The following SEMA3E variants were observed in gnomAD, a reference collection of about 807,000 sequenced individuals.
SEMA3E encodes the protein semaphorin 3E.
A neutral mutation model predicts 93.6 loss-of-function variants in SEMA3E; 49 were observed. The ratio of observed to expected loss-of-function variants is 0.52; its 90% confidence interval spans 0.42 to 0.66. The LOEUF is 0.66. SEMA3E is among the 30% of genes least tolerant of loss of function. The pLI, the probability that SEMA3E is intolerant of heterozygous loss-of-function variation, is 0.00. For missense variants in SEMA3E, 906 were observed against 964.8 expected (o/e 0.94, Z 0.81); for synonymous variants, 363 against 330.7 (o/e 1.10, Z -1.06).
chr7:83,614,749 C>T (rs1166787773), intron 1 of SEMA3E, among the ~76,000 whole-genome samples: 1 of 152,050 alleles, frequency 6.6e-6, no homozygotes, highest in Non-Finnish European at 1.5e-5. Flanking sequence ...TGACAAATTA[C>T]ACTCTCAGTC....
At chr7:83,639,926 G>A (rs1450786694) in intron 1 of SEMA3E, among the ~76,000 whole-genome samples, 1 of 151,920 alleles carries the variant, frequency 6.6e-6, no homozygotes, top group Non-Finnish European at 1.5e-5. Context: ...TACTTGGAAA[G>A]GACCTGAAGT....
chr7:83,603,900 C>T (rs1038337768), intron 1 of SEMA3E, among the ~76,000 whole-genome samples: 2 of 152,012 alleles, frequency 1.3e-5, no homozygotes, highest in African/African-American at 2.4e-5. Context: ...CCCTTACATG[C>T]GTGAGTGTTT....
intron 1 of SEMA3E, among the ~76,000 whole-genome samples, chr7:83,600,887 T>C (rs2115981488): frequency 6.6e-6 from 1 of 152,254 alleles, no homozygotes; most frequent in East Asian, 1.9e-4. Context: ...TCCTCAAAGA[T>C]GTCTACACCC....
chr7:83,619,565 T>G (rs982905748), intron 1 of SEMA3E, among the ~76,000 whole-genome samples: 2 of 151,828 alleles, frequency 1.3e-5, no homozygotes, highest in African/African-American at 2.4e-5. Flanking sequence ...GAAGAAAATG[T>G]TGGTGGTGTT....
intron 1 of SEMA3E, among the ~76,000 whole-genome samples, chr7:83,528,165 A>C (rs549243892): frequency 1.3e-5 from 2 of 152,232 alleles, no homozygotes; most frequent in Non-Finnish European, 2.9e-5. Context: ...AATATAAATA[A>C]AATTTAAAGT....
intron 1 of SEMA3E, among the ~76,000 whole-genome samples, chr7:83,609,548 T>C (rs2115575966): frequency 1.3e-5 from 2 of 152,086 alleles, no homozygotes; most frequent in Middle Eastern, 3.4e-3. Context: ...ATATTGTACT[T>C]TGTGTAGCTA....
intron 4 of SEMA3E, among the ~76,000 whole-genome samples, chr7:83,438,206 T>C (rs767152712): frequency 6.6e-6 from 1 of 152,170 alleles, no homozygotes; most frequent in Non-Finnish European, 1.5e-5. Flanking sequence ...TCAAATTTAA[T>C]GTGATAGAAA....
chr7:83,577,619 C>T (rs904925947), intron 1 of SEMA3E, among the ~76,000 whole-genome samples: 3 of 152,018 alleles, frequency 2.0e-5, no homozygotes, highest in African/African-American at 7.2e-5. Context: ...CTCTAATATA[C>T]CAAACTGGAT....
intron 4 of SEMA3E, among the ~76,000 whole-genome samples, chr7:83,443,523 T>C (rs1334317342): frequency 2.6e-5 from 4 of 152,188 alleles, no homozygotes; most frequent in Admixed American, 2.0e-4. Flanking sequence ...TAGCCTATGA[T>C]TGATTCCAAA....
chr7:83,607,342 C>T (rs1405221860), intron 1 of SEMA3E, among the ~76,000 whole-genome samples: 1 of 152,134 alleles, frequency 6.6e-6, no homozygotes, highest in Admixed American at 6.6e-5. Flanking sequence ...AACTAAAATT[C>T]TTCTCCACTC....
At chr7:83,466,208 C>T (rs1297396642) in intron 4 of SEMA3E, among the ~76,000 whole-genome samples, 1 of 151,904 alleles carries the variant, frequency 6.6e-6, no homozygotes, top group East Asian at 1.9e-4. Flanking sequence ...CAATAGAGAA[C>T]ACAGTTTGAT....
chr7:83,447,917 A>C (rs1048384723), intron 4 of SEMA3E, among the ~76,000 whole-genome samples: 7 of 152,166 alleles, frequency 4.6e-5, no homozygotes, highest in Non-Finnish European at 1.0e-4. Context: ...CTCTTTTTCT[A>C]CTGAACTCAT....
Position 83,363,870 on chromosome 7 carries a change from T to TTTTTTTTTTTC in SEMA3E, c.*3715_*3716insGAAAAAAAAAA, listed in dbSNP as rs1794623351. ...GTCACAGGTCAATTCATTTTTTTTTTTTTTTTTTTTTTTTTTTTTTTTTTT... is the reference window on the plus strand; with the variant it reads ...GTCACAGGTCAATTCATTTTTTTTTTTTTTTTTTTTCTTTTTTTTTTTTTTTTTTTTTTTTT... On this transcript the variant is annotated 3_prime_UTR_variant, in exon 17 of 17. Transcript: ENST00000643230. 1 of 9,602 alleles carries TTTTTTTTTTTC rather than the reference T, an allele frequency of 1.0e-4. No individual in the cohort carries two copies. The highest frequency in any genetic ancestry group is 1.5e-4 in the African/African-American group (1 of 6,642). 0.6% of individuals were successfully genotyped at this position (9,602 alleles called of 1,614,324 possible).
chr7:83,568,113 C>T (rs1162839870), intron 1 of SEMA3E, among the ~76,000 whole-genome samples: 1 of 151,936 alleles, frequency 6.6e-6, no homozygotes, highest in Non-Finnish European at 1.5e-5. Flanking sequence ...TATATACTAA[C>T]AAACTGGAAA....
At chr7:83,634,937 G>A (rs1793853599) in intron 1 of SEMA3E, among the ~76,000 whole-genome samples, 2 of 151,948 alleles carry the variant, frequency 1.3e-5, no homozygotes, top group Non-Finnish European at 2.9e-5. Context: ...TTTGAAAAAA[G>A]TTCTTTCTCT....
intron 4 of SEMA3E, chr7:83,462,061 C>T (rs1277304609): frequency 1.3e-5 from 2 of 152,276 alleles, no homozygotes; most frequent in African/African-American, 2.4e-5. Flanking sequence ...GCAGCCATTC[C>T]CAGAGCCCCT....
chr7:83,376,935 A>G (rs1787655330), intron 16 of SEMA3E, among the ~76,000 whole-genome samples: 1 of 151,986 alleles, frequency 6.6e-6, no homozygotes, highest in African/African-American at 2.4e-5. Context: ...AGATCTACAA[A>G]TTATAATGCT....
At chr7:83,619,291 A>T (rs1468424171) in intron 1 of SEMA3E, among the ~76,000 whole-genome samples, 1 of 151,872 alleles carries the variant, frequency 6.6e-6, no homozygotes, top group African/African-American at 2.4e-5. Context: ...GAAATAAAAA[A>T]TTTTAGATAA....
rs1429451908 is a variant in SEMA3E at position 83,390,150 on chromosome 7, C to T, written c.1667+2405G>A. Among the ~76,000 whole-genome samples the T allele has an allele frequency of 2.9e-4, 7 of 24,022 alleles. 1 individual carries two copies. Among genetic ancestry groups the T allele is most frequent in the Admixed American group, 9.3e-4 (2 of 2,142 alleles). The allele number at this position is 24,022 out of a possible 152,430, so 15.8% of individuals were successfully genotyped here. A position where few individuals can be genotyped will look rare whatever the true frequency, so the allele number is the denominator to read the frequency against. Reference sequence around the variant, plus strand: ...ACGTGTGCACATATATGCGCGTATACGTGTGCACATATATGCGCGTATACG... The same window carrying T: ...ACGTGTGCACATATATGCGCGTATATGTGTGCACATATATGCGCGTATACG... On this transcript the variant is annotated intron_variant, in intron 14 of 16. Transcript: ENST00000643230.
Sources: allele counts gnomAD v4.1 joint callset (sites outside exome capture counted in the v4.1 genomes callset), GRCh38; gene constraint gnomAD v4.1.1; transcripts MANE v1.5; gene names NCBI Gene and HGNC (gene_info 2026-07-23, HGNC 2026-07-21).